The following PIK3CG variants were observed in gnomAD, a reference collection of about 807,000 sequenced individuals.
PIK3CG encodes the protein phosphatidylinositol 4,5-bisphosphate 3-kinase catalytic subunit gamma isoform.
A neutral mutation model predicts 102.3 loss-of-function variants in PIK3CG; 55 were observed. The ratio of observed to expected loss-of-function variants is 0.54; its 90% CI spans 0.43 to 0.67. PIK3CG has a LOEUF of 0.67. PIK3CG is among the 30% of genes least tolerant of loss of function. PIK3CG has a pLI of 0.00. For synonymous variants in PIK3CG, 552 were observed against 540.0 expected, an observed-to-expected ratio of 1.02 and a Z score of -0.31; for missense variants, 1,258 against 1,391.8, an observed-to-expected ratio of 0.90 and a Z score of 1.53.
Position 106,880,558 on chromosome 7 carries a change from A to T in PIK3CG, c.2538+893A>T, listed in dbSNP as rs1391474003. ...TTGCAAGTTTATTAAATTTCAAATAAATCTGTAGAATATTTTGAATTGTTT... is the reference window on the plus strand; with the variant it reads ...TTGCAAGTTTATTAAATTTCAAATATATCTGTAGAATATTTTGAATTGTTT... On this transcript the variant is annotated intron_variant, in intron 6 of 10. Transcript: ENST00000496166. The surrounding 1 kb of genome is among the most constrained non-coding windows in gnomAD (Gnocchi z 4.2). 6.6e-6 allele frequency among the ~76,000 whole-genome samples: 1 copy of T among 152,234 alleles called. No individual in the cohort carries two copies. Among genetic ancestry groups the T allele is most frequent in the East Asian group, 1.9e-4 (1 of 5,206 alleles).
rs912584177 is a variant in PIK3CG at position 106,877,987 on chromosome 7, C to T, written c.2392-1532C>T. Among the ~76,000 whole-genome samples the T allele has an allele frequency of 7.9e-5, 12 of 152,236 alleles. No individual in the cohort carries two copies. Among genetic ancestry groups the T allele is most frequent in the Non-Finnish European group, 1.8e-4 (12 of 68,040 alleles). On this transcript the variant is annotated intron_variant, in intron 5 of 10. Transcript: ENST00000496166. This position sits in a 1 kb window ranked among gnomAD's most constrained non-coding sequence, Gnocchi z 4.5. ...GAAATAATTTTTAACTATTCACCTA[C>T]ATATTTACCATTTTTGGTACTCTTT... is the stretch of plus-strand genomic sequence containing the variant.
At chr7:106,886,012 T>G (rs1791078813) in intron 9 of PIK3CG, 123 bp from the exon 10 acceptor site, 2 of 840,966 alleles carry the variant, frequency 2.4e-6, no homozygotes, top group South Asian at 2.0e-5. Flanking sequence ...TATCACAAAC[T>G]GACAAACATT....
chr7:106,867,571 G>A lies in PIK3CG; in HGVS notation c.10G>A (p.Glu4Lys), dbSNP rs1421718017. The part of the protein sequence containing the change: MEL[E>K]NYKQPVVLRE... ...CCAGGTCGCATAGGGCATGGAGCTGGAGAACTATAAACAGCCCGTGGTGCT... is the reference window on the plus strand; with the variant it reads ...CCAGGTCGCATAGGGCATGGAGCTGAAGAACTATAAACAGCCCGTGGTGCT... Residue 4 changes from glutamate (E) to lysine (K), a missense_variant, in exon 2 of 11, where the codon GAG becomes AAG. Coordinates refer to ENST00000496166, the MANE Select transcript of PIK3CG (RefSeq NM_001282426.2). This position sits in a 1 kb window ranked among gnomAD's most constrained non-coding sequence, Gnocchi z 5.1. The A allele has an allele frequency of 6.4e-7, 1 of 1,570,062 alleles. No homozygotes were observed. The highest frequency in any genetic ancestry group is 1.4e-5 in the African/African-American group (1 of 73,042).
rs1387216557 is a variant in PIK3CG at position 106,868,572 on chromosome 7, G to A, written c.1011G>A (p.Glu337=). 1 of 1,614,078 alleles carries A rather than the reference G, an allele frequency of 6.2e-7. No homozygotes were observed. Among genetic ancestry groups the A allele is most frequent in the Non-Finnish European group, 8.5e-7 (1 of 1,180,060 alleles). Residue 337 remains glutamate (E), a synonymous_variant, in exon 2 of 11, where the codon GAG becomes GAA. Coordinates refer to ENST00000496166, the MANE Select transcript of PIK3CG (RefSeq NM_001282426.2). The surrounding 1 kb of genome is among the most constrained non-coding windows in gnomAD (Gnocchi z 6.2). ...GCACGGGAGTCACCGGCTACCATGA[G>A]CAGCTTACCATCCACGGCAAGGACC... ...DDCTGVTGYH[E]QLTIHGKDHE... is the part of the protein sequence containing the mutation.
In PIK3CG at chr7:106,874,743, T is replaced by G. The variant is rs1386446760; in HGVS notation, c.2331T>G (p.Ser777=). The change falls in exon 5 of 11, where the codon TCT becomes TCG. Residue 777 remains serine, a synonymous_variant. Transcript: ENST00000496166. This position sits in a 1 kb window ranked among gnomAD's most constrained non-coding sequence, Gnocchi z 4.3. ...AAAAGCTTGAAAACCTGCAGAATTC[T>G]CAACTCCCCGAAAGCTTTAGAGTTC... ...LKQKLENLQN[S]QLPESFRVPY... 1 of 1,613,984 alleles carries G rather than the reference T, an allele frequency of 6.2e-7. No homozygotes were observed. The highest frequency in any genetic ancestry group is 1.3e-5 in the African/African-American group (1 of 74,926).
At position 106,896,995 on chromosome 7, in the gene PIK3CG, A is replaced by G. The variant is rs528807297; in HGVS notation, c.3031-8114A>G. Among the ~76,000 whole-genome samples the G allele has an allele frequency of 1.6e-4, 24 of 152,298 alleles. No individual in the cohort carries two copies. The South Asian group carries it at 3.7e-3, about 24-fold the overall frequency. ...TCACTATTAATATTTTGTCCTATAA[A>G]TTTATATTCTTTTTTCTATATAAAT... On this transcript the variant is annotated intron_variant, in intron 10 of 10. Coordinates refer to ENST00000496166, the MANE Select transcript of PIK3CG (RefSeq NM_001282426.2).
rs568058577 is a variant in PIK3CG at position 106,880,910 on chromosome 7, A to G, written c.2539-1207A>G. 2.0e-5 allele frequency among the ~76,000 whole-genome samples: 3 copies of G among 152,166 alleles called. No individual in the cohort carries two copies. The highest frequency in any genetic ancestry group is 7.2e-5 in the African/African-American group (3 of 41,518). On this transcript the variant is annotated intron_variant, in intron 6 of 10. Transcript: ENST00000496166. This position sits in a 1 kb window ranked among gnomAD's most constrained non-coding sequence, Gnocchi z 4.2. ...ACGCTGGCCTCAAACTCCTTGGCTC[A>G]ATGAATCCTCCCACCTCAGCCTCCC...
rs892398257 is a variant in PIK3CG, at chr7:106,907,076, A to C, written c.*1689A>C. 3 of 196,850 alleles carry C rather than the reference A, an allele frequency of 1.5e-5. No individual in the cohort carries two copies. Among genetic ancestry groups the C allele is most frequent in the African/African-American group, 6.9e-5 (3 of 43,300 alleles). 12.2% of individuals were successfully genotyped at this position (196,850 alleles called of 1,614,324 possible). The stretch of plus-strand genomic sequence containing the variant: ...GTGGAAACTGCAGAGAGTCATGATC[A>C]TGTCCTTACACTCCAGCCTGGATAA... On this transcript the variant is annotated 3_prime_UTR_variant, in exon 11 of 11. Transcript: ENST00000496166.
intron 10 of PIK3CG, among the ~76,000 whole-genome samples, chr7:106,888,476 A>G (rs1562963152): frequency 1.3e-5 from 2 of 152,150 alleles, no homozygotes; most frequent in Non-Finnish European, 2.9e-5. Context: ...GTTTCTTCCC[A>G]CTATCGGCAT....
intron 10 of PIK3CG, among the ~76,000 whole-genome samples, chr7:106,889,426 GAAGTTCTTC>G (rs1297770480): frequency 6.6e-6 from 1 of 151,932 alleles, no homozygotes; most frequent in East Asian, 1.9e-4. Context: ...TTTTAGAATT[GAAGTTCTTC>G]AAGATCAGGG....
At position 106,894,190 on chromosome 7, in the gene PIK3CG, G is replaced by A; in HGVS notation, c.3030+7898G>A. On this transcript the variant is annotated intron_variant, in intron 10 of 10. Transcript: ENST00000496166. The surrounding 1 kb of genome is among the most constrained non-coding windows in gnomAD (Gnocchi z 4.4). Reference sequence around the variant, plus strand: ...TCTAACTAATGCTATTTTGACTTTTGTATCTCCAAATAGTCCACCTTAAAT... The same window carrying A: ...TCTAACTAATGCTATTTTGACTTTTATATCTCCAAATAGTCCACCTTAAAT... Among the ~76,000 whole-genome samples the A allele has an allele frequency of 6.6e-6, 1 of 151,674 alleles. No homozygotes were observed. The highest frequency in any genetic ancestry group is 2.1e-4 in the South Asian group (1 of 4,810).
intron 9 of PIK3CG, among the ~76,000 whole-genome samples, chr7:106,885,707 G>A (rs1223344035): frequency 6.6e-6 from 1 of 152,106 alleles, no homozygotes; most frequent in Non-Finnish European, 1.5e-5. Flanking sequence ...GATACATTCA[G>A]GATGGTATGG....
rs188582201 is a variant in PIK3CG at position 106,878,685 on chromosome 7, G to A, written c.2392-834G>A. The stretch of plus-strand genomic sequence containing the variant: ...GTTTTCTAGTTGTTTATGGCAGGAC[G>A]GCAACTCCCGTAGCAGCGAAGCCAC... On this transcript the variant is annotated intron_variant, in intron 5 of 10. Transcript: ENST00000496166. Among the ~76,000 whole-genome samples the A allele has an allele frequency of 6.0e-4, 91 of 152,206 alleles. 1 individual carries two copies. The highest frequency in any genetic ancestry group is 7.8e-4 in the Non-Finnish European group (53 of 68,008).
chr7:106,896,298 G>A (rs1791405962), intron 10 of PIK3CG, among the ~76,000 whole-genome samples: 2 of 152,140 alleles, frequency 1.3e-5, no homozygotes. Context: ...CCTTGAAAAT[G>A]TTCTATTAAA....
At position 106,869,581 on chromosome 7, in the gene PIK3CG, G is replaced by C; in HGVS notation, c.1995+25G>C. ...GGTAGGGGATGTTGGTGTTATCAATGGAAGCCTTCTCAAAAGGAATTGATT... is the reference window on the plus strand; with the variant it reads ...GGTAGGGGATGTTGGTGTTATCAATCGAAGCCTTCTCAAAAGGAATTGATT... On this transcript the variant is annotated intron_variant, in intron 2 of 10. Coordinates refer to ENST00000496166, the MANE Select transcript of PIK3CG (RefSeq NM_001282426.2). The surrounding 1 kb of genome is among the most constrained non-coding windows in gnomAD (Gnocchi z 5.3). 1 of 1,539,484 alleles carries C rather than the reference G, an allele frequency of 6.5e-7. No individual in the cohort carries two copies. The highest frequency in any genetic ancestry group is 2.3e-5 in the East Asian group (1 of 42,852).
At position 106,892,121 on chromosome 7, in the gene PIK3CG, G is replaced by C. The variant is rs1791282076; in HGVS notation, c.3030+5829G>C. 6.6e-6 allele frequency among the ~76,000 whole-genome samples: 1 copy of C among 151,528 alleles called. No homozygotes were observed. Among genetic ancestry groups the C allele is most frequent in the Non-Finnish European group, 1.5e-5 (1 of 67,898 alleles). ...ATCCCTCCTGTCATTTTTCTTGCTGGAGACTTGAGTATTCTCCCAAGCCCA... is the reference window on the plus strand; with the variant it reads ...ATCCCTCCTGTCATTTTTCTTGCTGCAGACTTGAGTATTCTCCCAAGCCCA... On this transcript the variant is annotated intron_variant, in intron 10 of 10. Coordinates refer to ENST00000496166, the MANE Select transcript of PIK3CG (RefSeq NM_001282426.2). This position sits in a 1 kb window ranked among gnomAD's most constrained non-coding sequence, Gnocchi z 5.2.
Position 106,882,136 on chromosome 7 carries a change from C to A in PIK3CG, c.2558C>A (p.Ser853Tyr). ...GCCCAGATTCTACGAATCATGGAGT[C>A]TATTTGGGAGACTGAATCTTTGGAT... The part of the protein sequence containing the change: ...LILQILRIME[S>Y]IWETESLDLC... The change falls in exon 7 of 11, where the codon TCT becomes TAT. Residue 853 changes from serine to tyrosine, a missense_variant. By Grantham distance (144) the Ser-to-Tyr change is moderately radical. Around this residue, in one of 2 missense-constraint regions of PIK3CG, gnomAD observed 426 missense variants for 604.2 expected, o/e 0.71. Transcript: ENST00000496166. 6.4e-7 allele frequency: 1 copy of A among 1,555,780 alleles called. No individual in the cohort carries two copies. Among genetic ancestry groups the A allele is most frequent in the Non-Finnish European group, 8.7e-7 (1 of 1,149,214 alleles).
intron 7 of PIK3CG, 111 bp from the exon 8 acceptor site, chr7:106,882,922 A>AC (rs1424289751): frequency 1.2e-6 from 1 of 838,616 alleles, no homozygotes; most frequent in Non-Finnish European, 1.7e-6. Context: ...CTGGTCAAAA[A>AC]AAAAAAAAAA....
At chr7:106,875,547 C>T (rs549119150) in intron 5 of PIK3CG, among the ~76,000 whole-genome samples, 79 of 152,224 alleles carry the variant, frequency 5.2e-4, no homozygotes, top group Admixed American at 1.6e-3. Flanking sequence ...TACTTTCTAT[C>T]ATAAAATGCC....
Sources: allele counts gnomAD v4.1 joint callset (sites outside exome capture counted in the v4.1 genomes callset), GRCh38; gene constraint gnomAD v4.1.1; regional missense constraint gnomAD v4.1.1; non-coding constraint Gnocchi (gnomAD v3.1); transcripts MANE v1.5; gene names NCBI Gene and HGNC (gene_info 2026-07-23, HGNC 2026-07-21).